PSMB7: variants seen among roughly 807,000 people sequenced by gnomAD.
PSMB7 encodes the protein proteasome 20S subunit beta 7, also known as proteasome subunit beta type-7.
PSMB7 carries 5 observed loss-of-function variants against 28.1 expected under a neutral mutation model. The observed-to-expected ratio is 0.18, with a 90% CI of 0.09 to 0.37. The LOEUF is 0.37. PSMB7 is among the 10% of genes least tolerant of loss of function. The pLI, the probability that PSMB7 is intolerant of heterozygous loss-of-function variation, is 1.00. For synonymous variants in PSMB7, 122 were observed against 123.7 expected (o/e 0.99, Z 0.09); for missense variants, 275 against 346.2 (o/e 0.79, Z 1.63).
chr9:124,412,838 T>C (rs1367503695), intron 3 of PSMB7, among the ~76,000 whole-genome samples: 1 of 152,112 alleles, frequency 6.6e-6, no homozygotes, highest in Non-Finnish European at 1.5e-5. Flanking sequence ...GTATTTACTA[T>C]CAGATACCAG....
In PSMB7 at chr9:124,405,444, A is replaced by G. The variant is rs1045958574; in HGVS notation, c.396-12T>C. 1 of 1,543,430 alleles carries G rather than the reference A, an allele frequency of 6.5e-7. No individual in the cohort carries two copies. Among genetic ancestry groups the G allele is most frequent in the Non-Finnish European group, 8.9e-7 (1 of 1,120,008 alleles). On this transcript the variant is annotated splice_polypyrimidine_tract_variant and intron_variant, in intron 4 of 7. Transcript: ENST00000259457. ...TGTAACCTTGATACCTGGTGATCAG[A>G]GTATGCATAAGAAAAAAAACATGAG...
intron 2 of PSMB7, among the ~76,000 whole-genome samples, 200 bp from the exon 3 acceptor site, chr9:124,414,205 CCT>C (rs1831061107): frequency 3.9e-5 from 6 of 152,138 alleles, no homozygotes; most frequent in Non-Finnish European, 7.4e-5. Context: ...CTAATTGAAT[CCT>C]GAGTAGGTAA....
In PSMB7 at chr9:124,414,021, GT is replaced by G; in HGVS notation, c.157-17del. On this transcript the variant is annotated splice_polypyrimidine_tract_variant and intron_variant, in intron 2 of 7. Transcript: ENST00000259457. ...CTATGCCATCCTATTAAAAAAAAAA[GT>G]TTTTAAACAATTTTACAAATATAAG... The G allele has an allele frequency of 6.5e-7, 1 of 1,541,860 alleles. No individual in the cohort carries two copies. The highest frequency in any genetic ancestry group is 1.7e-5 in the Admixed American group (1 of 58,058).
At chr9:124,411,939 C>A (rs1033407443) in intron 4 of PSMB7, among the ~76,000 whole-genome samples, 1 of 151,198 alleles carries the variant, frequency 6.6e-6, no homozygotes, top group African/African-American at 2.4e-5. Flanking sequence ...TATCACTTTT[C>A]ATTCACTGTT....
intron 1 of PSMB7, chr9:124,415,146 T>C (rs1025037293): frequency 3.1e-6 from 2 of 636,304 alleles, no homozygotes; most frequent in Non-Finnish European, 5.4e-6. Flanking sequence ...GAGACGGAGA[T>C]AAACGGTGGC....
At chr9:124,386,574 T>G (rs1156373813) in intron 5 of PSMB7, among the ~76,000 whole-genome samples, 2 of 152,228 alleles carry the variant, frequency 1.3e-5, no homozygotes, top group African/African-American at 2.4e-5. Context: ...TGCACAGCAC[T>G]GATGAGCAGA....
At chr9:124,413,689 G>C (rs960383668) in intron 3 of PSMB7, among the ~76,000 whole-genome samples, 1 of 152,146 alleles carries the variant, frequency 6.6e-6, no homozygotes, top group Non-Finnish European at 1.5e-5. Flanking sequence ...GATTCAAGAG[G>C]CACAGAGAGG....
At chr9:124,357,020 G>T in intron 6 of PSMB7, 105 bp from the exon 7 acceptor site, 1 of 1,281,454 alleles carries the variant, frequency 7.8e-7, no homozygotes, top group Non-Finnish European at 1.1e-6. Flanking sequence ...CCGCGAGACA[G>T]GTGTTGTTTT....
Position 124,356,477 on chromosome 9 carries a change from G to A in PSMB7, c.722+287C>T, listed in dbSNP as rs1366391384. Among the ~76,000 whole-genome samples the A allele has an allele frequency of 6.6e-6, 1 of 152,188 alleles. No homozygotes were observed. The highest frequency in any genetic ancestry group is 1.5e-5 in the Non-Finnish European group (1 of 68,034). ...GGGATTCTTTAAGACACTTGAGAAA[G>A]GACAGCAGATGATCCAAACCTCTCC... On this transcript the variant is annotated intron_variant, in intron 7 of 7. Transcript: ENST00000259457. The surrounding 1 kb of genome is among the most constrained non-coding windows in gnomAD (Gnocchi z 4.4).
chr9:124,387,862 G>C (rs1830742020), intron 5 of PSMB7, among the ~76,000 whole-genome samples: 1 of 150,890 alleles, frequency 6.6e-6, no homozygotes, highest in South Asian at 2.1e-4. Context: ...TGCAGTGGGG[G>C]ACACAAGGAA....
Position 124,356,712 on chromosome 9 carries a change from G to A in PSMB7, c.722+52C>T. ...CATCCAGATGCCATGGAGATACCAAGGGTGGCCACGACGCCAGGGGACCCA... is the reference window on the plus strand; with the variant it reads ...CATCCAGATGCCATGGAGATACCAAAGGTGGCCACGACGCCAGGGGACCCA... On this transcript the variant is annotated intron_variant, in intron 7 of 7. Coordinates refer to ENST00000259457, the MANE Select transcript of PSMB7 (RefSeq NM_002799.4). This position sits in a 1 kb window ranked among gnomAD's most constrained non-coding sequence, Gnocchi z 4.4. 1 of 1,577,326 alleles carries A rather than the reference G, an allele frequency of 6.3e-7. No homozygotes were observed. Among genetic ancestry groups the A allele is most frequent in the Non-Finnish European group, 8.7e-7 (1 of 1,154,370 alleles).
chr9:124,359,166 G>T (rs1830444767), intron 6 of PSMB7, among the ~76,000 whole-genome samples: 1 of 152,100 alleles, frequency 6.6e-6, no homozygotes, highest in African/African-American at 2.4e-5. Context: ...TATGAATAAA[G>T]GCTTTTTTAA....
chr9:124,385,537 T>C (rs1014529735), intron 5 of PSMB7, among the ~76,000 whole-genome samples: 1 of 152,246 alleles, frequency 6.6e-6, no homozygotes, highest in East Asian at 1.9e-4. Context: ...TGGCAATATT[T>C]CAGGATACTC....
At chr9:124,363,099 T>A (rs746698316) in intron 6 of PSMB7, among the ~76,000 whole-genome samples, 2 of 152,232 alleles carry the variant, frequency 1.3e-5, no homozygotes, top group Non-Finnish European at 2.9e-5. Flanking sequence ...GTGCTTGGCA[T>A]GTAGGTCAAC....
At chr9:124,415,275 C>T in intron 1 of PSMB7, 89 bp downstream of exon 1, 1 of 1,365,194 alleles carries the variant, frequency 7.3e-7, no homozygotes, top group Non-Finnish European at 1.0e-6. Context: ...ATTCTTCCCT[C>T]AGAATTCTCG....
chr9:124,412,919 CAAG>C (rs1296969652), intron 3 of PSMB7, among the ~76,000 whole-genome samples: 1 of 151,820 alleles, frequency 6.6e-6, no homozygotes, highest in South Asian at 2.1e-4. Flanking sequence ...GTAAGATACA[CAAG>C]AAGACAAAAA....
chr9:124,401,672 T>C (rs139826403), intron 5 of PSMB7, among the ~76,000 whole-genome samples: 27 of 152,334 alleles, frequency 1.8e-4, no homozygotes, highest in Non-Finnish European at 3.8e-4. Context: ...GACCCTGATA[T>C]TCACTTCTAT....
chr9:124,385,378 C>T (rs571936142), intron 5 of PSMB7, among the ~76,000 whole-genome samples: 29 of 152,328 alleles, frequency 1.9e-4, no homozygotes, highest in African/African-American at 6.0e-4. Flanking sequence ...TTTATCCCTA[C>T]AAAAGTAGGA....
chr9:124,375,723 T>C (rs902563130), intron 6 of PSMB7, among the ~76,000 whole-genome samples: 2 of 152,262 alleles, frequency 1.3e-5, no homozygotes, highest in African/African-American at 4.8e-5. Flanking sequence ...GAGGTTTTTT[T>C]GGTTTAATTT....
Sources: allele counts gnomAD v4.1 joint callset (sites outside exome capture counted in the v4.1 genomes callset), GRCh38; gene constraint gnomAD v4.1.1; non-coding constraint Gnocchi (gnomAD v3.1); transcripts MANE v1.5; gene names NCBI Gene and HGNC (gene_info 2026-07-23, HGNC 2026-07-21).